The following IL18R1 variants were observed in gnomAD, a reference collection of about 807,000 sequenced individuals.
IL18R1 encodes the protein interleukin 18 receptor 1.
Under a neutral mutation model 48.5 loss-of-function variants are expected in IL18R1, and 40 were observed. The ratio of observed to expected loss-of-function variants is 0.82; its 90% CI spans 0.64 to 1.07. The LOEUF is 1.07. Among genes scored for constraint, IL18R1 ranks in the 50% least tolerant of loss-of-function variants. The pLI is 0.00. For missense variants in IL18R1, 596 were observed against 633.7 expected (o/e 0.94, Z 0.64); for synonymous variants, 232 against 225.9 (o/e 1.03, Z -0.24).
intron 9 of IL18R1, among the ~76,000 whole-genome samples, chr2:102,391,098 T>C (rs1323472102): frequency 6.6e-6 from 1 of 152,172 alleles, no homozygotes; most frequent in Admixed American, 6.5e-5. Flanking sequence ...TCCTCAAGTT[T>C]CCAGATAATT....
rs555168596 is a variant in IL18R1 at position 102,385,337 on chromosome 2, CT to C, written c.809+347del. Among the ~76,000 whole-genome samples, 7 of 151,952 alleles carry C rather than the reference CT, an allele frequency of 4.6e-5. No homozygotes were observed. In the East Asian group the frequency reaches 5.8e-4, roughly 13 times the overall value. On this transcript the variant is annotated intron_variant, in intron 7 of 10. Transcript: ENST00000233957. Reference sequence around the variant, plus strand: ...GAAAAGGGCAGTTGCCTAGGCCAAGCTTTTTTTTATTTTGAAAAATTTGTTA... The same window carrying C: ...GAAAAGGGCAGTTGCCTAGGCCAAGCTTTTTTTATTTTGAAAAATTTGTTA...
chr2:102,374,681 G>A (rs1445060460), intron 4 of IL18R1, among the ~76,000 whole-genome samples: 1 of 152,034 alleles, frequency 6.6e-6, no homozygotes, highest in African/African-American at 2.4e-5. Flanking sequence ...GGGAGGCTGA[G>A]GAAGGAGAAT....
intron 5 of IL18R1, 120 bp downstream of exon 5, chr2:102,376,183 T>A: frequency 3.1e-6 from 2 of 651,104 alleles, no homozygotes; most frequent in Non-Finnish European, 4.8e-6. Flanking sequence ...ACCACACCAC[T>A]AGTTCAAATA....
At chr2:102,363,384 A>T (rs1025359936) in intron 2 of IL18R1, among the ~76,000 whole-genome samples, 3 of 152,210 alleles carry the variant, frequency 2.0e-5, no homozygotes, top group African/African-American at 7.2e-5. Context: ...ACTGCTGAAG[A>T]GATAGCTGAA....
Position 102,385,096 on chromosome 2 carries a change from A to G in IL18R1, c.809+98A>G, listed in dbSNP as rs11465647. 1.3e-3 allele frequency: 769 copies of G among 604,520 alleles called. 5 individuals carry two copies. The African/African-American group carries it at 0.014, about 11-fold the overall frequency. 37.4% of individuals were successfully genotyped at this position (604,520 alleles called of 1,614,324 possible). ...TAAAAACACTGGGTGGCTGATGTGT[A>G]TTTTGGGCTAGTTTAAATTATAATT... On this transcript the variant is annotated intron_variant, in intron 7 of 10. Transcript: ENST00000233957.
intron 6 of IL18R1, among the ~76,000 whole-genome samples, chr2:102,383,702 G>A (rs1010938441): frequency 6.6e-6 from 1 of 151,546 alleles, no homozygotes; most frequent in Admixed American, 6.6e-5. Flanking sequence ...GCATGTATTT[G>A]GGTCTTTTTT....
At chr2:102,392,677 C>T (rs1680615988) in intron 9 of IL18R1, among the ~76,000 whole-genome samples, 2 of 152,040 alleles carry the variant, frequency 1.3e-5, no homozygotes, top group Non-Finnish European at 2.9e-5. Context: ...TGAAACTAAT[C>T]AATAAACAAC....
At chr2:102,358,831 G>C (rs1293139371) in intron 1 of IL18R1, among the ~76,000 whole-genome samples, 3 of 152,202 alleles carry the variant, frequency 2.0e-5, no homozygotes, top group Non-Finnish European at 2.9e-5. Flanking sequence ...AGATTGTGCA[G>C]ATGTGCCAAT....
At chr2:102,386,743 A>C in intron 7 of IL18R1, 118 bp from the exon 8 acceptor site, 2 of 1,024,336 alleles carry the variant, frequency 2.0e-6, no homozygotes, top group Non-Finnish European at 3.0e-6. Flanking sequence ...TACTGGCCAG[A>C]AAGGGAAGAA....
chr2:102,358,978 A>G (rs1442800395), intron 1 of IL18R1, among the ~76,000 whole-genome samples: 1 of 152,118 alleles, frequency 6.6e-6, no homozygotes, highest in East Asian at 1.9e-4. Context: ...ATGAATAGAA[A>G]AACTAAACAT....
At chr2:102,386,266 G>A (rs924422708) in intron 7 of IL18R1, among the ~76,000 whole-genome samples, 1 of 152,188 alleles carries the variant, frequency 6.6e-6, no homozygotes, top group African/African-American at 2.4e-5. Flanking sequence ...ATCAACCACA[G>A]GACAACTTGA....
chr2:102,362,931 T>C, intron 2 of IL18R1: 1 of 368,038 alleles, frequency 2.7e-6, no homozygotes, highest in Non-Finnish European at 4.8e-6. Context: ...TTTCATGTTA[T>C]TTGAAACTGA....
chr2:102,395,890 G>A (rs764557329), intron 10 of IL18R1, among the ~76,000 whole-genome samples: 11 of 152,258 alleles, frequency 7.2e-5, no homozygotes, highest in Admixed American at 5.2e-4. Context: ...TTTACCTGTC[G>A]CCTGCGTCTG....
chr2:102,394,684 A>G (rs1680730321), intron 10 of IL18R1, 57 bp downstream of exon 10: 2 of 1,469,346 alleles, frequency 1.4e-6, no homozygotes, highest in Non-Finnish European at 1.9e-6. Context: ...TAAAAAATGA[A>G]TGAGCTAGCC....
intron 4 of IL18R1, among the ~76,000 whole-genome samples, chr2:102,375,627 G>A (rs1350463139): frequency 6.6e-6 from 1 of 152,174 alleles, no homozygotes; most frequent in Non-Finnish European, 1.5e-5. Flanking sequence ...GTAAAAGAGA[G>A]AGATGAAAGA....
Position 102,356,103 on chromosome 2 carries a change from GC to G in IL18R1, c.-325del, listed in dbSNP as rs1678231239. ...CCCGGACCCGGAGCTTCGCCCGACC[GC>G]GGGCAGTGCCCACCTGCAGCCTCCA... On this transcript the variant is annotated 5_prime_UTR_variant, in exon 1 of 11. Coordinates refer to ENST00000233957, the MANE Select transcript of IL18R1 (RefSeq NM_003855.5). 6.5e-6 allele frequency: 1 copy of G among 153,508 alleles called. No homozygotes were observed. Among genetic ancestry groups the G allele is most frequent in the South Asian group, 2.1e-4 (1 of 4,868 alleles). 9.5% of individuals were successfully genotyped at this position (153,508 alleles called of 1,614,324 possible).
chr2:102,396,990 CA>C lies in IL18R1; in HGVS notation c.*108del. On this transcript the variant is annotated 3_prime_UTR_variant, in exon 11 of 11. Coordinates refer to ENST00000233957, the MANE Select transcript of IL18R1 (RefSeq NM_003855.5). ...TGTGACTCGAAATAATTAACTTTGT[CA>C]AAATCCTGCTCACAATTTGAAGATG... The C allele has an allele frequency of 1.5e-6, 1 of 685,906 alleles. No homozygotes were observed. The highest frequency in any genetic ancestry group is 2.4e-6 in the Non-Finnish European group (1 of 412,380). The allele number at this position is 685,906 out of a possible 1,614,324, so 42.5% of individuals were successfully genotyped here.
At chr2:102,396,470 T>G (rs1440250366) in intron 10 of IL18R1, 61 bp from the exon 11 acceptor site, 15 of 1,012,186 alleles carry the variant, frequency 1.5e-5, no homozygotes, top group Non-Finnish European at 2.2e-5. Context: ...CAAAATGACT[T>G]TTATCTCATG....
intron 9 of IL18R1, among the ~76,000 whole-genome samples, chr2:102,391,989 C>A (rs949731553): frequency 6.6e-6 from 1 of 152,102 alleles, no homozygotes; most frequent in Non-Finnish European, 1.5e-5. Context: ...TGCAAATATT[C>A]CCAGGCTGTA....
Sources: gnomAD v4.1 joint callset for allele counts (sites outside exome capture counted in the v4.1 genomes callset) on GRCh38, gnomAD v4.1.1 for gene constraint, MANE v1.5 for transcripts, NCBI Gene and HGNC (gene_info 2026-07-23, HGNC 2026-07-21) for gene names.